Variants in CD36 observed in about 807,000 individuals in gnomAD.
The protein encoded by CD36 is platelet glycoprotein 4.
Under a neutral mutation model 55.2 loss-of-function variants are expected in CD36, and 119 were observed. The ratio of observed to expected loss-of-function variants is 2.15; its 90% CI spans 1.86 to 2.51. CD36 has a LOEUF of 2.51. Among genes scored for constraint, CD36 ranks in the 30% most tolerant of loss-of-function variants. The probability of loss-of-function intolerance (pLI) is 0.00; values close to 1 mark genes in which losing one functional copy is unlikely to be tolerated. For missense variants in CD36, 819 were observed against 555.5 expected (o/e 1.47, Z -4.77); for synonymous variants, 186 against 193.6 (o/e 0.96, Z 0.33).
chr7:80,668,531 G>A (rs946806071), intron 8 of CD36, among the ~76,000 whole-genome samples: 1 of 152,142 alleles, frequency 6.6e-6, no homozygotes, highest in Non-Finnish European at 1.5e-5. Flanking sequence ...CATTTAGAAT[G>A]TTTCTTTTGG....
At chr7:80,640,658 A>G (rs1213174676) in intron 1 of CD36, among the ~76,000 whole-genome samples, 1 of 152,052 alleles carries the variant, frequency 6.6e-6, no homozygotes, top group Non-Finnish European at 1.5e-5. Context: ...CTAAGGTTCA[A>G]AAATTAAGAA....
intron 1 of CD36, among the ~76,000 whole-genome samples, chr7:80,607,108 T>C (rs1382879532): frequency 3.9e-5 from 6 of 152,158 alleles, no homozygotes; most frequent in Admixed American, 3.9e-4. Context: ...TCCCATTATC[T>C]TCTCCACTCC....
intron 1 of CD36, among the ~76,000 whole-genome samples, chr7:80,615,588 T>A (rs923062554): frequency 6.6e-6 from 1 of 152,186 alleles, no homozygotes; most frequent in African/African-American, 2.4e-5. Context: ...CACAATCTAT[T>A]CAAGACCATA....
chr7:80,616,594 C>A (rs933035666), intron 1 of CD36, among the ~76,000 whole-genome samples: 7 of 152,104 alleles, frequency 4.6e-5, no homozygotes, highest in African/African-American at 1.4e-4. Context: ...CAAACATTTT[C>A]TTAAGTCTCC....
intron 1 of CD36, chr7:80,626,023 A>AG (rs1193645626): frequency 1.3e-5 from 2 of 152,248 alleles, no homozygotes; most frequent in East Asian, 3.9e-4. Flanking sequence ...CTGGGTAATC[A>AG]GGGGATCTGC....
At chr7:80,640,131 G>C (rs774100227) in intron 1 of CD36, among the ~76,000 whole-genome samples, 5 of 151,944 alleles carry the variant, frequency 3.3e-5, no homozygotes, top group Non-Finnish European at 5.9e-5. Flanking sequence ...AAGTATCCTT[G>C]CATCTAATCA....
rs773628561 is a variant in CD36 at position 80,661,262 on chromosome 7, G to A, written c.429+52G>A. 15 of 1,486,196 alleles carry A rather than the reference G, an allele frequency of 1.0e-5. No homozygotes were observed. The Admixed American group carries it at 2.5e-4, about 25-fold the overall frequency. The allele number at this position is 1,486,196 out of a possible 1,614,324, so 92.1% of individuals were successfully genotyped here. On this transcript the variant is annotated intron_variant, in intron 5 of 14. Transcript: ENST00000447544. Reference sequence around the variant, plus strand: ...TATTTTAAAATACTCTAGAACTCATGTAATTAATCCTATCATTAGAATTAT... The same window carrying A: ...TATTTTAAAATACTCTAGAACTCATATAATTAATCCTATCATTAGAATTAT...
intron 2 of CD36, 50 bp from the exon 3 acceptor site, chr7:80,646,602 T>G: frequency 9.8e-7 from 1 of 1,018,406 alleles, no homozygotes; most frequent in Non-Finnish European, 1.5e-6. Context: ...ACTTTGATCT[T>G]TTTGTACTGA....
At chr7:80,657,863 C>A (rs1796213876) in intron 4 of CD36, among the ~76,000 whole-genome samples, 1 of 152,150 alleles carries the variant, frequency 6.6e-6, no homozygotes, top group Non-Finnish European at 1.5e-5. Context: ...TTTTGTATTT[C>A]TAATGATTTT....
At position 80,677,907 on chromosome 7, in the gene CD36, T is replaced by A. The variant is rs1350016910; in HGVS notation, c.*1524T>A. 6.6e-6 allele frequency: 1 copy of A among 152,196 alleles called. No homozygotes were observed. Among genetic ancestry groups the A allele is most frequent in the Non-Finnish European group, 1.5e-5 (1 of 68,032 alleles). The allele number at this position is 152,196 out of a possible 1,614,324, so 9.4% of individuals were successfully genotyped here. On this transcript the variant is annotated 3_prime_UTR_variant, in exon 15 of 15. Coordinates refer to ENST00000447544, the MANE Select transcript of CD36 (RefSeq NM_001001548.3). The stretch of plus-strand genomic sequence containing the variant: ...GTTTTGACCTATATGTCTTTAATAT[T>A]GTTTGAATACATGTATAATCTTTAT...
chr7:80,673,390 C>T lies in CD36; in HGVS notation c.1235C>T (p.Pro412Leu), dbSNP rs1161099488. The change falls in exon 13 of 15, where the codon CCT (proline) becomes CTT (leucine). Residue 412 changes from proline to leucine, a missense_variant. By Grantham distance (98) the Pro-to-Leu change is moderately conservative. Transcript: ENST00000447544. Reference protein sequence around the residue: ...LKNLKRNYIVPILWLNETGTI... With the variant: ...LKNLKRNYIVLILWLNETGTI... The stretch of plus-strand genomic sequence containing the variant: ...AATCTGAAGAGGAACTATATTGTGC[C>T]TATTCTTTGGCTTAATGAGGTTTGT... 6.4e-7 allele frequency: 1 copy of T among 1,571,142 alleles called. No individual in the cohort carries two copies. The highest frequency in any genetic ancestry group is 2.3e-5 in the East Asian group (1 of 43,866).
chr7:80,656,318 T>C (rs186500144), intron 3 of CD36, among the ~76,000 whole-genome samples: 11 of 152,310 alleles, frequency 7.2e-5, no homozygotes, highest in Non-Finnish European at 1.0e-4. Context: ...TCTTCAGTAT[T>C]ACACACTGAT....
At chr7:80,603,880 T>C (rs1792388017) in intron 1 of CD36, among the ~76,000 whole-genome samples, 1 of 151,616 alleles carries the variant, frequency 6.6e-6, no homozygotes, top group African/African-American at 2.4e-5. Context: ...AGCAAAGAAA[T>C]ATAAAGTTCT....
At chr7:80,666,204 C>CTAAT (rs1797077469) in intron 7 of CD36, 2 of 466,940 alleles carry the variant, frequency 4.3e-6, no homozygotes, top group African/African-American at 2.0e-5. Flanking sequence ...CAAGATGTTT[C>CTAAT]TAATTAACAC....
chr7:80,636,838 T>C (rs974084628), upstream of CD36: 1 of 152,072 alleles, frequency 6.6e-6, no homozygotes, highest in Non-Finnish European at 1.5e-5. Context: ...TCAGATCTTG[T>C]ATGCTAAGCT....
chr7:80,668,628 C>G (rs1018253842), intron 8 of CD36, among the ~76,000 whole-genome samples: 2 of 152,108 alleles, frequency 1.3e-5, no homozygotes, highest in Non-Finnish European at 2.9e-5. Context: ...ACATAATCTT[C>G]AATGATATTT....
chr7:80,643,874 C>T (rs1794972821), intron 1 of CD36, among the ~76,000 whole-genome samples: 1 of 152,010 alleles, frequency 6.6e-6, no homozygotes, highest in Non-Finnish European at 1.5e-5. Context: ...CAGCTGGGAT[C>T]GCTATATTTT....
At chr7:80,630,937 A>G (rs1244280318) in intron 1 of CD36, among the ~76,000 whole-genome samples, 1 of 152,034 alleles carries the variant, frequency 6.6e-6, no homozygotes, top group Non-Finnish European at 1.5e-5. Context: ...TAAACATTTC[A>G]GTTTAGATTT....
chr7:80,672,037 A>G lies in CD36; in HGVS notation c.1122A>G (p.Glu374=), dbSNP rs1285609693. Residue 374 remains glutamate (E), a synonymous_variant, in exon 11 of 15, where the codon GAA becomes GAG. Coordinates refer to ENST00000447544, the MANE Select transcript of CD36 (RefSeq NM_001001548.3). ...EEEHRTYLDI[E]PITGFTLQFA... ...AACATAGGACATACTTGGATATTGA[A>G]CCTGTAAGAAAACACCTTATTGATC... 6.2e-7 allele frequency: 1 copy of G among 1,604,684 alleles called. No individual in the cohort carries two copies. Among genetic ancestry groups the G allele is most frequent in the East Asian group, 2.2e-5 (1 of 44,614 alleles).
Sources: allele counts gnomAD v4.1 joint callset (sites outside exome capture counted in the v4.1 genomes callset), GRCh38; gene constraint gnomAD v4.1.1; transcripts MANE v1.5; gene names NCBI Gene and HGNC (gene_info 2026-07-23, HGNC 2026-07-21).